Variants in CTNNBL1 observed in about 807,000 individuals in gnomAD.
CTNNBL1 encodes catenin beta like 1, also known as beta-catenin-like protein 1.
Under a neutral mutation model 72.7 loss-of-function variants are expected in CTNNBL1, and 31 were observed. The observed-to-expected ratio is 0.43, with a 90% CI of 0.32 to 0.58. The LOEUF (loss-of-function observed/expected upper bound fraction) is 0.58. Ranked by LOEUF, CTNNBL1 falls within the 20% of genes least tolerant of loss-of-function variation. CTNNBL1 has a pLI of 0.08. For missense variants in CTNNBL1, 534 were observed against 725.1 expected (o/e 0.74, Z 3.03); for synonymous variants, 240 against 267.3 (o/e 0.90, Z 1.00).
chr20:37,701,937 A>C (rs1045242911), intron 1 of CTNNBL1, among the ~76,000 whole-genome samples: 1 of 152,048 alleles, frequency 6.6e-6, no homozygotes, highest in African/African-American at 2.4e-5. Flanking sequence ...TTGTACGCTC[A>C]TCTCAGCTGC....
At chr20:37,701,488 ACT>A (rs1319360713) in intron 1 of CTNNBL1, among the ~76,000 whole-genome samples, 3 of 152,298 alleles carry the variant, frequency 2.0e-5, no homozygotes, top group African/African-American at 7.2e-5. Flanking sequence ...TAGAAAACTA[ACT>A]CTATGAATAA....
intron 3 of CTNNBL1, 51 bp downstream of exon 3, chr20:37,737,535 C>T: frequency 7.7e-7 from 1 of 1,300,726 alleles, no homozygotes; most frequent in Non-Finnish European, 1.1e-6. Flanking sequence ...GTTTCGTTGG[C>T]TAATTTTGTT....
At chr20:37,843,236 C>T (rs555983836) in intron 13 of CTNNBL1, among the ~76,000 whole-genome samples, 18 of 152,242 alleles carry the variant, frequency 1.2e-4, no homozygotes, top group Non-Finnish European at 2.6e-4. Context: ...TCCAAGTCTA[C>T]AGGAGACCTC....
At chr20:37,758,502 A>G (rs1221316446) in intron 5 of CTNNBL1, among the ~76,000 whole-genome samples, 3 of 152,204 alleles carry the variant, frequency 2.0e-5, no homozygotes, top group Non-Finnish European at 2.9e-5. Context: ...AAGAGACTGC[A>G]TGTTCTGATC....
Position 37,777,243 on chromosome 20 carries a change from C to A in CTNNBL1, c.751-102C>A, listed in dbSNP as rs960942518. ...TAACTGCCTTTTCCTTTTCTAACTT[C>A]TGCTTCTCTCTAACTCAGATCATAG... is the stretch of plus-strand genomic sequence containing the variant. On this transcript the variant is annotated intron_variant, in intron 7 of 15. Transcript: ENST00000361383. 5 of 892,320 alleles carry A rather than the reference C, an allele frequency of 5.6e-6. 1 individual carries two copies. In the Middle Eastern group the frequency reaches 6.6e-4, roughly 118 times the overall value. The allele number at this position is 892,320 out of a possible 1,614,324, so 55.3% of individuals were successfully genotyped here.
chr20:37,730,361 A>G (rs2073118787), intron 1 of CTNNBL1, among the ~76,000 whole-genome samples: 1 of 152,234 alleles, frequency 6.6e-6, no homozygotes, highest in South Asian at 2.1e-4. Flanking sequence ...TTGTTGGAGA[A>G]GACAGAATCA....
intron 13 of CTNNBL1, among the ~76,000 whole-genome samples, chr20:37,851,801 G>A (rs2122840781): frequency 6.6e-6 from 1 of 152,302 alleles, no homozygotes. Context: ...GCTTAGTAAG[G>A]ACTCGAGAAA....
At chr20:37,745,449 T>C (rs1402596762) in intron 3 of CTNNBL1, among the ~76,000 whole-genome samples, 1 of 152,242 alleles carries the variant, frequency 6.6e-6, no homozygotes, top group Non-Finnish European at 1.5e-5. Flanking sequence ...GTAGCAGCAA[T>C]AGTAATGAGA....
chr20:37,704,183 G>A, intron 1 of CTNNBL1, among the ~76,000 whole-genome samples: 1 of 152,154 alleles, frequency 6.6e-6, no homozygotes, highest in Admixed American at 6.5e-5. Flanking sequence ...CACAGTTTTT[G>A]CTCTCCTGGA....
At chr20:37,827,114 G>A (rs1343306381) in intron 11 of CTNNBL1, among the ~76,000 whole-genome samples, 2 of 152,170 alleles carry the variant, frequency 1.3e-5, no homozygotes, top group African/African-American at 4.8e-5. Flanking sequence ...TTCTTTTTGG[G>A]TTAGGCTTTC....
At chr20:37,843,101 A>T (rs1473355017) in intron 13 of CTNNBL1, among the ~76,000 whole-genome samples, 1 of 152,070 alleles carries the variant, frequency 6.6e-6, no homozygotes. Context: ...GTAGCTTTCC[A>T]TCTGTATTCC....
In CTNNBL1 at chr20:37,743,105, C is replaced by T. The variant is rs575740012; in HGVS notation, c.327-3363C>T. Among the ~76,000 whole-genome samples the T allele has an allele frequency of 4.6e-5, 7 of 151,806 alleles. No individual in the cohort carries two copies. The East Asian group carries it at 7.7e-4, about 17-fold the overall frequency. On this transcript the variant is annotated intron_variant, in intron 3 of 15. Transcript: ENST00000361383. ...AGGCATGAGCCACCACGTTCGCTGT[C>T]GATCACCCAAATCACCAGATCTTAT...
chr20:37,803,180 T>G (rs2073837168), intron 11 of CTNNBL1, 132 bp downstream of exon 11: 3 of 781,210 alleles, frequency 3.8e-6, no homozygotes, highest in Non-Finnish European at 5.9e-6. Flanking sequence ...TACTATTTTC[T>G]TATTTTTCAT....
intron 13 of CTNNBL1, among the ~76,000 whole-genome samples, chr20:37,858,064 G>A (rs1396771943): frequency 6.6e-6 from 1 of 152,176 alleles, no homozygotes; most frequent in African/African-American, 2.4e-5. Flanking sequence ...GAGTGTGGTG[G>A]CATGCACCTG....
intron 1 of CTNNBL1, among the ~76,000 whole-genome samples, chr20:37,720,948 C>T (rs2073035300): frequency 6.6e-6 from 1 of 152,158 alleles, no homozygotes. Flanking sequence ...CGAGGAAGCT[C>T]ACAAGTTTTA....
At chr20:37,824,930 A>G (rs2072144895) in intron 11 of CTNNBL1, among the ~76,000 whole-genome samples, 1 of 152,236 alleles carries the variant, frequency 6.6e-6, no homozygotes, top group Non-Finnish European at 1.5e-5. Flanking sequence ...CCCAAATACC[A>G]GTTCAACCCG....
intron 13 of CTNNBL1, among the ~76,000 whole-genome samples, chr20:37,847,009 G>A (rs752029356): frequency 6.6e-6 from 1 of 152,140 alleles, no homozygotes; most frequent in African/African-American, 2.4e-5. Context: ...AAAGACCACT[G>A]CTCATTAGGT....
At chr20:37,732,619 A>C (rs2073138926) in intron 1 of CTNNBL1, among the ~76,000 whole-genome samples, 1 of 152,240 alleles carries the variant, frequency 6.6e-6, no homozygotes, top group Admixed American at 6.5e-5. Flanking sequence ...TGGTGGGAGA[A>C]GTTGTATGCT....
chr20:37,777,309 C>G, intron 7 of CTNNBL1, 36 bp from the exon 8 acceptor site: 3 of 1,557,994 alleles, frequency 1.9e-6, no homozygotes, highest in Non-Finnish European at 2.7e-6. Flanking sequence ...AGCAAGACCC[C>G]TTAACATTTT....
Sources: allele counts gnomAD v4.1 joint callset (sites outside exome capture counted in the v4.1 genomes callset), GRCh38; gene constraint gnomAD v4.1.1; transcripts MANE v1.5; gene names NCBI Gene and HGNC (gene_info 2026-07-23, HGNC 2026-07-21).